Variants in ZBBX observed in about 807,000 individuals in gnomAD.
The protein encoded by ZBBX is zinc finger B-box domain containing.
A neutral mutation model predicts 108.5 loss-of-function variants in ZBBX; 101 were observed. The observed-to-expected ratio is 0.93, with a 90% CI of 0.79 to 1.10. The LOEUF is 1.10. ZBBX is among the 50% of genes least tolerant of loss of function. The pLI, the probability that ZBBX is intolerant of heterozygous loss-of-function variation, is 0.00. For missense variants in ZBBX, 1,009 were observed against 941.4 expected, an observed-to-expected ratio of 1.07 and a Z score of -0.94; for synonymous variants, 356 against 323.4, an observed-to-expected ratio of 1.10 and a Z score of -1.08.
intron 9 of ZBBX, among the ~76,000 whole-genome samples, chr3:167,348,314 GAGAAAGAAAGAAAGAAAGAAAGAA>G (rs71176641): frequency 4.6e-4 from 30 of 65,600 alleles, no homozygotes; most frequent in African/African-American, 7.8e-4. Flanking sequence ...GAGAAAGAAA[GAGAAAGAAAGAAAGAAAGAAAGAA>G]AGAAAGAAAG....
At chr3:167,392,131 C>T (rs1187720518) in intron 1 of ZBBX, among the ~76,000 whole-genome samples, 1 of 151,768 alleles carries the variant, frequency 6.6e-6, no homozygotes, top group African/African-American at 2.4e-5. Context: ...TTTTAGAATT[C>T]ATTATAAATG....
chr3:167,327,878 C>G, intron 11 of ZBBX, 64 bp downstream of exon 11: 1 of 1,487,980 alleles, frequency 6.7e-7, no homozygotes, highest in Non-Finnish European at 8.9e-7. Flanking sequence ...CACGCCGCTG[C>G]ACTCCAGCCT....
chr3:167,384,060 ATTTTC>A (rs753597324), upstream of ZBBX, among the ~76,000 whole-genome samples: 1 of 152,058 alleles, frequency 6.6e-6, no homozygotes, highest in Non-Finnish European at 1.5e-5. Flanking sequence ...AAACTGTGAA[ATTTTC>A]TTTTCTTCTC....
rs767102481 is a variant in ZBBX, at chr3:167,305,881, A to AT, written c.1486dup (p.Ile496AsnfsTer2). On this transcript the variant is annotated frameshift_variant, in exon 17 of 22. Coordinates refer to ENST00000675490, the MANE Select transcript of ZBBX (RefSeq NM_001199201.2). LOFTEE classifies it high-confidence loss of function. ...TCTTTCAAAGGAGGTGCTTTCCTCA[A>AT]TTTTTTCAATGTCAGAAGAATACAC... The AT allele has an allele frequency of 1.2e-6, 2 of 1,607,660 alleles. No individual in the cohort carries two copies. Among genetic ancestry groups the AT allele is most frequent in the Non-Finnish European group, 1.7e-6 (2 of 1,177,678 alleles).
At chr3:167,186,775 T>C in the ZBBX span, among the ~76,000 whole-genome samples, 2 of 152,302 alleles carry the variant, frequency 1.3e-5, no homozygotes, top group Middle Eastern at 3.4e-3. Context: ...GAAATACTCA[T>C]GTTAAAATAT....
chr3:167,356,851 C>T (rs2108522814), intron 8 of ZBBX, among the ~76,000 whole-genome samples: 1 of 152,166 alleles, frequency 6.6e-6, no homozygotes, highest in East Asian at 1.9e-4. Context: ...ACTAGCTTCA[C>T]AAAACTGGAG....
Position 167,314,047 on chromosome 3 carries a change from G to A in ZBBX, c.1344C>T (p.Phe448=), listed in dbSNP as rs1264079547. The change falls in exon 16 of 22, where the codon TTC becomes TTT. Residue 448 remains phenylalanine, a synonymous_variant. Transcript: ENST00000675490. The part of the protein sequence containing the change: ...YENGIHQHHV[F]DKGKRDFLNL... ...TTAAGAAGTCTCTCTTTCCCTTATC[G>A]AAAACATGATGTTGATGGATGCCAT... 13 of 1,606,426 alleles carry A rather than the reference G, an allele frequency of 8.1e-6. No individual in the cohort carries two copies. The highest frequency in any genetic ancestry group is 1.7e-4 in the Middle Eastern group (1 of 6,048).
Position 167,370,972 on chromosome 3 carries a change from G to T in ZBBX, c.68+1862C>A, listed in dbSNP as rs78641534. On this transcript the variant is annotated intron_variant, in intron 4 of 21. Coordinates refer to ENST00000675490, the MANE Select transcript of ZBBX (RefSeq NM_001199201.2). ...CAAGGGCTAGAAATAAGATTGAAAT[G>T]GTTTAGGGGCTGAGAAAGAGGTCAG... 6.8e-3 allele frequency among the ~76,000 whole-genome samples: 1,033 copies of T among 152,190 alleles called. 34 individuals are homozygous for T. In the East Asian group the frequency reaches 0.11, roughly 16 times the overall value.
intron 12 of ZBBX, among the ~76,000 whole-genome samples, chr3:167,319,041 TG>T (rs1348614648): frequency 1.3e-5 from 2 of 151,998 alleles, no homozygotes; most frequent in African/African-American, 4.8e-5. Context: ...GAAAAGAGTT[TG>T]GCAGTTTCTT....
chr3:167,232,586 G>C, the ZBBX span, among the ~76,000 whole-genome samples: 1 of 151,746 alleles, frequency 6.6e-6, no homozygotes. Flanking sequence ...CAGACAAGTT[G>C]AGAAAAAGCA....
At chr3:167,346,471 TG>T (rs1389415858) in intron 9 of ZBBX, among the ~76,000 whole-genome samples, 5 of 151,918 alleles carry the variant, frequency 3.3e-5, no homozygotes, top group Non-Finnish European at 5.9e-5. Context: ...CCTACTGGGC[TG>T]TTGGATAAAG....
the ZBBX span, among the ~76,000 whole-genome samples, chr3:167,183,520 G>A: frequency 6.6e-6 from 1 of 152,192 alleles, no homozygotes; most frequent in Non-Finnish European, 1.5e-5. Flanking sequence ...GGAATCAGGG[G>A]GCTGACAGCC....
intron 20 of ZBBX, 141 bp downstream of exon 20, chr3:167,282,097 A>G: frequency 1.1e-6 from 1 of 921,600 alleles, no homozygotes; most frequent in Non-Finnish European, 1.6e-6. Context: ...CCAGGAAAAC[A>G]GACACAACGG....
chr3:167,214,310 G>A, the ZBBX span, among the ~76,000 whole-genome samples: 1 of 152,016 alleles, frequency 6.6e-6, no homozygotes, highest in Non-Finnish European at 1.5e-5. Context: ...AATCAACCAA[G>A]CAAATGGAAA....
At chr3:167,365,753 CAACA>C in intron 6 of ZBBX, 129 bp downstream of exon 6, 1 of 483,192 alleles carries the variant, frequency 2.1e-6, no homozygotes, top group Non-Finnish European at 3.5e-6. Context: ...CAAAATAAAT[CAACA>C]AGTGAATAAT....
chr3:167,350,376 A>T, intron 9 of ZBBX, 44 bp downstream of exon 9: 3 of 1,461,576 alleles, frequency 2.1e-6, no homozygotes, highest in African/African-American at 2.8e-5. Flanking sequence ...ATGTGGAAAC[A>T]TTTTATAAAC....
chr3:167,228,539 T>C, the ZBBX span, among the ~76,000 whole-genome samples: 1 of 151,796 alleles, frequency 6.6e-6, no homozygotes, highest in Non-Finnish European at 1.5e-5. Flanking sequence ...AGAAGTAGTT[T>C]CTGTGACCAA....
At chr3:167,181,217 C>T in the ZBBX span, among the ~76,000 whole-genome samples, 1 of 152,056 alleles carries the variant, frequency 6.6e-6, no homozygotes, top group African/African-American at 2.4e-5. Flanking sequence ...AGTCTCATAC[C>T]AAGGACATAC....
At chr3:167,315,691 TTG>T (rs1324756059) in intron 15 of ZBBX, 57 bp downstream of exon 15, 42 of 1,174,926 alleles carry the variant, frequency 3.6e-5, no homozygotes, top group Admixed American at 5.9e-5. Flanking sequence ...ACAGATGATT[TTG>T]TGTGTGTGTC....
Sources: gnomAD v4.1 joint callset for allele counts (sites outside exome capture counted in the v4.1 genomes callset) on GRCh38, gnomAD v4.1.1 for gene constraint, MANE v1.5 for transcripts, NCBI Gene and HGNC (gene_info 2026-07-23, HGNC 2026-07-21) for gene names.